Variants in CTBP2 observed in about 807,000 individuals in gnomAD.
CTBP2 encodes C-terminal-binding protein 2.
A neutral mutation model predicts 80.3 loss-of-function variants in CTBP2; 30 were observed. The ratio of observed to expected loss-of-function variants is 0.37; its 90% confidence interval spans 0.28 to 0.51. The LOEUF is 0.51. CTBP2 is among the 20% of genes least tolerant of loss of function. The probability of loss-of-function intolerance (pLI) is 0.93; values close to 1 mark genes in which losing one functional copy is unlikely to be tolerated. For synonymous variants in CTBP2, 594 were observed against 587.4 expected (o/e 1.01, Z -0.16); for missense variants, 1,212 against 1,375.3 (o/e 0.88, Z 1.88).
intron 1 of CTBP2, among the ~76,000 whole-genome samples, chr10:125,125,759 C>T (rs190547748): frequency 3.9e-4 from 60 of 152,318 alleles, no homozygotes; most frequent in African/African-American, 1.4e-3. Context: ...GCAGAGACGA[C>T]ATCCAGCAGA....
In CTBP2 at chr10:125,004,996, G is replaced by T. The variant is rs147094955; in HGVS notation, c.1679-1504C>A. Among the ~76,000 whole-genome samples, 3 of 151,204 alleles carry T rather than the reference G, an allele frequency of 2.0e-5. No individual in the cohort carries two copies. The South Asian group carries it at 6.2e-4, about 31-fold the overall frequency. ...GGACGATGACTGGGACCCCAGCCAC[G>T]GGGGGGCTCCTGCTGGACCACCAAG... On this transcript the variant is annotated intron_variant, in intron 1 of 8. Coordinates refer to ENST00000309035, the MANE Select transcript of CTBP2 (RefSeq NM_022802.3).
chr10:124,992,545 G>A (rs775736984), intron 8 of CTBP2, 150 bp downstream of exon 10: 82 of 574,464 alleles, frequency 1.4e-4, no homozygotes, highest in Middle Eastern at 9.6e-4. Flanking sequence ...AAATGGGGGC[G>A]GTGTACACAG....
chr10:125,151,254 C>G (rs903326277), intron 1 of CTBP2, among the ~76,000 whole-genome samples: 2 of 152,146 alleles, frequency 1.3e-5, no homozygotes, highest in African/African-American at 2.4e-5. Flanking sequence ...CAGATCGCAC[C>G]GTCCTACCAC....
At chr10:125,045,003 T>A (rs978105332) in intron 2 of CTBP2, among the ~76,000 whole-genome samples, 1 of 152,200 alleles carries the variant, frequency 6.6e-6, no homozygotes, top group African/African-American at 2.4e-5. Context: ...ATGGACCGAA[T>A]GCTTGTGTAC....
Position 124,984,667 on chromosome 10 carries a change from G to T in CTBP2, c.*4851C>A. 3 of 1,108,324 alleles carry T rather than the reference G, an allele frequency of 2.7e-6. No individual in the cohort carries two copies. The highest frequency in any genetic ancestry group is 3.9e-6 in the Non-Finnish European group (3 of 776,432). The allele number at this position is 1,108,324 out of a possible 1,614,324, so 68.7% of individuals were successfully genotyped here. A position where few individuals can be genotyped will look rare whatever the true frequency, so the allele number is the denominator to read the frequency against. ...AACCATGTGAAAAGTTGATTGCTTT[G>T]GCCTTTTCATGAGTTAGCATACCAG... On this transcript the variant is annotated 3_prime_UTR_variant, in exon 9 of 9. Transcript: ENST00000309035.
intron 1 of CTBP2, among the ~76,000 whole-genome samples, chr10:125,130,689 C>A (rs1856025553): frequency 6.6e-6 from 1 of 152,212 alleles, no homozygotes; most frequent in South Asian, 2.1e-4. Flanking sequence ...GCAGCCTCCA[C>A]TCCATTTTCA....
At position 124,993,899 on chromosome 10, in the gene CTBP2, C is replaced by G; in HGVS notation, c.2487G>C (p.Arg829Ser). 1 of 1,614,164 alleles carries G rather than the reference C, an allele frequency of 6.2e-7. No homozygotes were observed. Among genetic ancestry groups the G allele is most frequent in the Non-Finnish European group, 8.5e-7 (1 of 1,180,034 alleles). The change falls in exon 6 of 9, where the codon AGG becomes AGC. Residue 829 changes from arginine to serine, a missense_variant. By Grantham distance (110) the Arg-to-Ser change is moderately radical (BLOSUM62 -1). This residue lies in a region of CTBP2 where 335 missense variants were observed against 504.7 expected (regional missense o/e 0.66). Coordinates refer to ENST00000309035, the MANE Select transcript of CTBP2 (RefSeq NM_022802.3). ...GCACGTCGAGGGCTGCCCCTCGTAT[C>G]CTGCCCTCCTTGAGGGCTTGTGCTA...
chr10:125,011,513 G>A (rs1186192412), intron 1 of CTBP2, among the ~76,000 whole-genome samples: 2 of 152,194 alleles, frequency 1.3e-5, no homozygotes, highest in African/African-American at 4.8e-5. Context: ...GGGTGATCAT[G>A]TTAATAACGA....
intron 4 of CTBP2, chr10:124,997,680 C>G: frequency 2.0e-6 from 1 of 501,082 alleles, no homozygotes; most frequent in East Asian, 3.5e-5. Context: ...TTACTGGGCA[C>G]AGCGCCTTGC....
chr10:125,109,540 C>T (rs148475922), intron 2 of CTBP2, among the ~76,000 whole-genome samples: 5 of 152,338 alleles, frequency 3.3e-5, no homozygotes, highest in South Asian at 2.1e-4. Flanking sequence ...TTGCGAGTGG[C>T]GGTCCTGACC....
intron 1 of CTBP2, among the ~76,000 whole-genome samples, chr10:125,024,954 A>C (rs1215066864): frequency 2.6e-5 from 4 of 152,184 alleles, no homozygotes; most frequent in African/African-American, 9.6e-5. Context: ...AAAATGCAAA[A>C]TGCCTGGAGG....
intron 4 of CTBP2, chr10:124,997,371 A>T: frequency 1.3e-5 from 2 of 156,174 alleles, no homozygotes; most frequent in Admixed American, 6.1e-5. Context: ...GCCCCCATGG[A>T]ATCAGGCTGC....
At chr10:125,126,734 CA>C (rs1362669484) in intron 1 of CTBP2, among the ~76,000 whole-genome samples, 174 of 143,020 alleles carry the variant, frequency 1.2e-3, no homozygotes, top group Non-Finnish European at 2.1e-3. Flanking sequence ...TTCTGATCAC[CA>C]CCCCCCGCTA....
At chr10:125,124,101 T>A (rs940827366) in intron 1 of CTBP2, among the ~76,000 whole-genome samples, 1 of 152,214 alleles carries the variant, frequency 6.6e-6, no homozygotes, top group Admixed American at 6.5e-5. Flanking sequence ...AACACCCAGC[T>A]TGCTCAAAGA....
At chr10:125,119,821 T>G (rs976649600) in intron 1 of CTBP2, among the ~76,000 whole-genome samples, 3 of 152,230 alleles carry the variant, frequency 2.0e-5, no homozygotes, top group Non-Finnish European at 4.4e-5. Context: ...AAATGTGAGC[T>G]GTGAGCTCCT....
chr10:124,998,273 G>A (rs890294946), intron 3 of CTBP2, 103 bp from the exon 6 acceptor site: 29 of 1,317,226 alleles, frequency 2.2e-5, no homozygotes, highest in East Asian at 1.8e-4. Flanking sequence ...TGTTGGCACC[G>A]GGGGAGGCCC....
chr10:125,105,216 T>C (rs1050495480), intron 2 of CTBP2, among the ~76,000 whole-genome samples: 1 of 151,978 alleles, frequency 6.6e-6, no homozygotes, highest in Non-Finnish European at 1.5e-5. Flanking sequence ...GGTGCAATCA[T>C]GGCTTACTGC....
chr10:125,033,956 A>T (rs2134864256), intron 3 of CTBP2, among the ~76,000 whole-genome samples: 1 of 152,276 alleles, frequency 6.6e-6, no homozygotes, highest in Middle Eastern at 3.4e-3. Context: ...CTGCAGAACC[A>T]AACTAGAAGA....
intron 5 of CTBP2, 93 bp from the exon 8 acceptor site, chr10:124,994,078 T>G: frequency 6.5e-7 from 1 of 1,542,670 alleles, no homozygotes; most frequent in Middle Eastern, 1.7e-4. Context: ...AAGCTAGTTT[T>G]GTTGGTCTGG....
Sources: allele counts gnomAD v4.1 joint callset (sites outside exome capture counted in the v4.1 genomes callset), GRCh38; gene constraint gnomAD v4.1.1; regional missense constraint gnomAD v4.1.1; transcripts MANE v1.5; gene names NCBI Gene and HGNC (gene_info 2026-07-23, HGNC 2026-07-21).